RBFOX1: variants seen among roughly 807,000 people sequenced by gnomAD.
RBFOX1 encodes the protein RNA binding fox-1 homolog 1, also known as RNA binding protein fox-1 homolog 1.
In RBFOX1, 8 loss-of-function variants were observed where a neutral mutation model predicts 57.7. The observed-to-expected ratio is 0.14, with a 90% CI of 0.08 to 0.25. The LOEUF is 0.25. Ranked by LOEUF, RBFOX1 falls within the 10% of genes least tolerant of loss-of-function variation. The pLI, the probability that RBFOX1 is intolerant of heterozygous loss-of-function variation, is 1.00. For missense variants in RBFOX1, 611 were observed against 548.5 expected, an observed-to-expected ratio of 1.11 and a Z score of -1.14; for synonymous variants, 326 against 222.4, an observed-to-expected ratio of 1.47 and a Z score of -4.15.
chr16:7,573,377 A>G (rs1205463374), intron 5 of RBFOX1, among the ~76,000 whole-genome samples: 1 of 152,070 alleles, frequency 6.6e-6, no homozygotes, highest in East Asian at 1.9e-4. Context: ...ACCACTGAGA[A>G]GGGGGTGTCC....
chr16:5,276,284 C>G (rs776755655), intron 1 of RBFOX1, among the ~76,000 whole-genome samples: 10 of 152,126 alleles, frequency 6.6e-5, no homozygotes, highest in Non-Finnish European at 1.3e-4. Flanking sequence ...CAAACTGCAT[C>G]TGACAAAGGA....
intron 3 of RBFOX1, among the ~76,000 whole-genome samples, chr16:6,662,541 C>G (rs908789808): frequency 6.6e-6 from 1 of 152,008 alleles, no homozygotes; most frequent in Non-Finnish European, 1.5e-5. Context: ...AATGAGGTAC[C>G]TTCAGGCAGT....
At chr16:6,610,772 ATGTC>A (rs1357175293) in intron 2 of RBFOX1, among the ~76,000 whole-genome samples, 2 of 152,202 alleles carry the variant, frequency 1.3e-5, no homozygotes, top group Non-Finnish European at 2.9e-5. Context: ...CACCAACAAA[ATGTC>A]TGTGACTTTC....
At chr16:5,866,422 T>G (rs1429624391) in intron 3 of RBFOX1, among the ~76,000 whole-genome samples, 1 of 152,190 alleles carries the variant, frequency 6.6e-6, no homozygotes, top group African/African-American at 2.4e-5. Flanking sequence ...CATAGCTCAG[T>G]CCAAGTAGTC....
chr16:5,825,768 T>C (rs1452472037), intron 3 of RBFOX1, among the ~76,000 whole-genome samples: 1 of 148,090 alleles, frequency 6.8e-6, no homozygotes. Context: ...TAAGGAATAA[T>C]ATTCCTTAAT....
At chr16:7,691,572 C>G (rs983666922) in intron 14 of RBFOX1, among the ~76,000 whole-genome samples, 1 of 152,110 alleles carries the variant, frequency 6.6e-6, no homozygotes, top group Non-Finnish European at 1.5e-5. Context: ...CTATAAAATT[C>G]TGAAACAATT....
intron 4 of RBFOX1, among the ~76,000 whole-genome samples, chr16:7,408,588 T>G (rs545130302): frequency 2.0e-5 from 3 of 152,224 alleles, no homozygotes; most frequent in African/African-American, 7.2e-5. Context: ...ACTGACTTGA[T>G]AATTTAATTT....
intron 10 of RBFOX1, among the ~76,000 whole-genome samples, chr16:7,628,868 C>T (rs1482396109): frequency 1.3e-5 from 2 of 152,122 alleles, no homozygotes; most frequent in African/African-American, 4.8e-5. Context: ...CTGCCTTGGC[C>T]TCCCAAAGTA....
intron 14 of RBFOX1, among the ~76,000 whole-genome samples, chr16:7,677,355 G>A (rs1388460328): frequency 1.3e-5 from 2 of 152,086 alleles, no homozygotes; most frequent in Non-Finnish European, 2.9e-5. Flanking sequence ...AGTGTCCCTG[G>A]CATTCATAAG....
intron 4 of RBFOX1, among the ~76,000 whole-genome samples, chr16:5,916,833 AT>A (rs550477628): frequency 1.1e-4 from 16 of 152,058 alleles, no homozygotes; most frequent in Non-Finnish European, 2.1e-4. Context: ...CGGAAACCAC[AT>A]CCTCTTAGCC....
At chr16:6,802,255 G>C (rs756532616) in intron 3 of RBFOX1, among the ~76,000 whole-genome samples, 3 of 152,066 alleles carry the variant, frequency 2.0e-5, no homozygotes, top group Non-Finnish European at 2.9e-5. Flanking sequence ...AGTCAGTGCC[G>C]AAACAGTAGT....
chr16:5,619,871 C>T (rs1289910769), intron 3 of RBFOX1, among the ~76,000 whole-genome samples: 1 of 152,072 alleles, frequency 6.6e-6, no homozygotes, highest in Non-Finnish European at 1.5e-5. Flanking sequence ...CTTCCTTCTC[C>T]TGGTGGCCTA....
chr16:5,355,058 G>C (rs532655360), intron 1 of RBFOX1, among the ~76,000 whole-genome samples: 16 of 152,042 alleles, frequency 1.1e-4, no homozygotes, highest in Non-Finnish European at 2.1e-4. Flanking sequence ...ACAGAGAAGA[G>C]AGAGAAAGAG....
At chr16:7,021,481 T>C (rs1433551521) in intron 3 of RBFOX1, among the ~76,000 whole-genome samples, 2 of 146,070 alleles carry the variant, frequency 1.4e-5, no homozygotes, top group African/African-American at 4.9e-5. Flanking sequence ...ATATTGTATA[T>C]ATTTTATATT....
intron 4 of RBFOX1, among the ~76,000 whole-genome samples, chr16:5,982,111 T>C (rs1222000249): frequency 1.3e-5 from 2 of 152,158 alleles, no homozygotes; most frequent in African/African-American, 4.8e-5. Context: ...AGAAGCCTTA[T>C]AATGGCCTGT....
chr16:5,612,514 G>C (rs1365723694), intron 3 of RBFOX1, among the ~76,000 whole-genome samples: 2 of 152,254 alleles, frequency 1.3e-5, no homozygotes, highest in East Asian at 3.8e-4. Flanking sequence ...GAAGAAAAGT[G>C]CTTCACAAGG....
intron 4 of RBFOX1, among the ~76,000 whole-genome samples, chr16:7,252,910 C>T (rs925082100): frequency 1.4e-4 from 22 of 152,208 alleles, no homozygotes; most frequent in Admixed American, 4.6e-4. Flanking sequence ...ATCTTAGAGC[C>T]TCCAAAAATG....
intron 3 of RBFOX1, among the ~76,000 whole-genome samples, chr16:5,623,394 A>G (rs1294876113): frequency 1.3e-5 from 2 of 152,186 alleles, no homozygotes; most frequent in African/African-American, 4.8e-5. Flanking sequence ...TGAACAAAAC[A>G]AAACAGAGAA....
At chr16:6,767,952 A>ATAATAATAAT (rs1567165850) in intron 3 of RBFOX1, among the ~76,000 whole-genome samples, 987 of 97,794 alleles carry the variant, frequency 0.01, 13 homozygotes, top group African/African-American at 0.037. Context: ...AATAATAAGA[A>ATAATAATAAT]GAAGAAGAAG....
Sources: allele counts gnomAD v4.1 joint callset (sites outside exome capture counted in the v4.1 genomes callset), GRCh38; gene constraint gnomAD v4.1.1; transcripts MANE v1.5; gene names NCBI Gene and HGNC (gene_info 2026-07-23, HGNC 2026-07-21).